The following FANK1 variants were observed in gnomAD, a reference collection of about 807,000 sequenced individuals.
FANK1 encodes the protein fibronectin type 3 and ankyrin repeat domains protein 1.
Under a neutral mutation model 45.3 loss-of-function variants are expected in FANK1, and 44 were observed. The ratio of observed to expected loss-of-function variants is 0.97; its 90% confidence interval spans 0.76 to 1.25. The LOEUF is 1.25. Among genes scored for constraint, FANK1 ranks in the 50% most tolerant of loss-of-function variants. FANK1 has a pLI of 0.00. For missense variants in FANK1, 391 were observed against 424.4 expected, an observed-to-expected ratio of 0.92 and a Z score of 0.69; for synonymous variants, 149 against 152.5, an observed-to-expected ratio of 0.98 and a Z score of 0.17.
intron 1 of FANK1, among the ~76,000 whole-genome samples, chr10:125,904,988 G>A (rs377654031): frequency 2.7e-5 from 4 of 150,428 alleles, no homozygotes; most frequent in Admixed American, 6.6e-5. Flanking sequence ...AAAATTAGCC[G>A]GGTGTGGTGG....
chr10:125,977,589 G>A (rs760561954), intron 1 of FANK1, among the ~76,000 whole-genome samples: 2 of 152,214 alleles, frequency 1.3e-5, no homozygotes, highest in South Asian at 2.1e-4. Flanking sequence ...CAGTGTTTAT[G>A]TTCCTTTCTC....
intron 3 of FANK1, chr10:125,994,956 A>G: frequency 8.1e-6 from 8 of 984,616 alleles, no homozygotes; most frequent in Non-Finnish European, 9.6e-6. Context: ...AGACAAGGCC[A>G]ATATGTAAGT....
At chr10:125,971,577 T>A (rs1341703146) in intron 1 of FANK1, among the ~76,000 whole-genome samples, 1 of 152,080 alleles carries the variant, frequency 6.6e-6, no homozygotes, top group Non-Finnish European at 1.5e-5. Context: ...TTAAAATGAA[T>A]AATTTAAGGA....
intron 6 of FANK1, 76 bp downstream of exon 6, chr10:125,997,561 G>A: frequency 4.4e-6 from 6 of 1,352,742 alleles, no homozygotes; most frequent in Non-Finnish European, 6.2e-6. Flanking sequence ...CAGAGGGGTT[G>A]TGATTTCACC....
intron 1 of FANK1, among the ~76,000 whole-genome samples, chr10:125,918,750 A>G (rs1273636000): frequency 1.3e-5 from 2 of 151,474 alleles, no homozygotes; most frequent in East Asian, 3.9e-4. Flanking sequence ...TGGTTCACAG[A>G]TGAGGAAACT....
chr10:125,966,443 C>T (rs942080327), intron 1 of FANK1, among the ~76,000 whole-genome samples: 7 of 152,108 alleles, frequency 4.6e-5, no homozygotes, highest in Admixed American at 4.6e-4. Context: ...ACCTGCCTCC[C>T]CCATGCACCT....
At chr10:126,008,635 T>TAGA in intron 8 of FANK1, 85 bp downstream of exon 8, 1 of 1,488,114 alleles carries the variant, frequency 6.7e-7, no homozygotes, top group East Asian at 2.3e-5. Flanking sequence ...TCTTGTGAGT[T>TAGA]CAGCCCTGCA....
chr10:125,902,314 G>A (rs571619157), intron 1 of FANK1, among the ~76,000 whole-genome samples: 148 of 152,336 alleles, frequency 9.7e-4, no homozygotes, highest in African/African-American at 3.5e-3. Flanking sequence ...GGTGGTGGAA[G>A]AGGTCAGGGG....
chr10:125,941,932 G>T (rs917573490), intron 1 of FANK1, among the ~76,000 whole-genome samples: 1 of 152,274 alleles, frequency 6.6e-6, no homozygotes, highest in East Asian at 1.9e-4. Flanking sequence ...GTCTTTGGGG[G>T]TTATTCAGGG....
chr10:125,923,682 C>G (rs1487916841), intron 1 of FANK1, among the ~76,000 whole-genome samples: 9 of 151,942 alleles, frequency 5.9e-5, no homozygotes, highest in African/African-American at 1.4e-4. Context: ...CACGTGCCAC[C>G]ATGCCCAGCT....
At chr10:125,928,969 T>G (rs1947567067) in intron 1 of FANK1, among the ~76,000 whole-genome samples, 2 of 152,200 alleles carry the variant, frequency 1.3e-5, no homozygotes, top group Non-Finnish European at 2.9e-5. Flanking sequence ...ATGGATAACG[T>G]TTTTGGTTGC....
At chr10:125,994,777 C>G in intron 3 of FANK1, 1 of 985,416 alleles carries the variant, frequency 1.0e-6, no homozygotes, top group Non-Finnish European at 1.2e-6. Context: ...CTGATGTCCC[C>G]TGTACAAAGG....
chr10:125,974,241 A>G (rs1590121009), intron 1 of FANK1, among the ~76,000 whole-genome samples: 1 of 152,136 alleles, frequency 6.6e-6, no homozygotes, highest in South Asian at 2.1e-4. Context: ...TGTAAGGGAA[A>G]TTGTTGGCTG....
intron 1 of FANK1, among the ~76,000 whole-genome samples, chr10:125,934,751 T>C (rs1208903383): frequency 7.2e-6 from 1 of 139,088 alleles, no homozygotes; most frequent in Non-Finnish European, 1.5e-5. Flanking sequence ...TTTTTTTTTT[T>C]TTTTTTTTTT....
chr10:125,961,805 G>A (rs1055929958), intron 1 of FANK1, among the ~76,000 whole-genome samples: 1 of 152,172 alleles, frequency 6.6e-6, no homozygotes, highest in Non-Finnish European at 1.5e-5. Context: ...TTAGCCAGAT[G>A]TGATGGTATG....
At chr10:125,978,079 G>T (rs1346850107) in intron 1 of FANK1, among the ~76,000 whole-genome samples, 1 of 152,044 alleles carries the variant, frequency 6.6e-6, no homozygotes, top group Non-Finnish European at 1.5e-5. Context: ...TTTCCATAGG[G>T]CTGCTGTGGT....
intron 1 of FANK1, among the ~76,000 whole-genome samples, chr10:125,902,013 C>T (rs74979204): frequency 6.6e-6 from 1 of 151,816 alleles, no homozygotes; most frequent in Non-Finnish European, 1.5e-5. Context: ...TAGCTACTCA[C>T]GTGGCTGAGG....
At chr10:125,934,943 G>A (rs1947996819) in intron 1 of FANK1, among the ~76,000 whole-genome samples, 2 of 152,020 alleles carry the variant, frequency 1.3e-5, no homozygotes, top group South Asian at 4.2e-4. Context: ...TGGCTGAGCT[G>A]TGGCTCCCAG....
chr10:125,952,646 C>T (rs534208059), intron 1 of FANK1, among the ~76,000 whole-genome samples: 11 of 151,976 alleles, frequency 7.2e-5, no homozygotes, highest in African/African-American at 2.2e-4. Context: ...AAATGTTCCT[C>T]GATGTCTGAG....
Sources: allele counts gnomAD v4.1 joint callset (sites outside exome capture counted in the v4.1 genomes callset), GRCh38; gene constraint gnomAD v4.1.1; transcripts MANE v1.5; gene names NCBI Gene and HGNC (gene_info 2026-07-23, HGNC 2026-07-21).